The following NTRK1 variants were observed in gnomAD, a reference collection of about 807,000 sequenced individuals.
NTRK1 encodes the protein high affinity nerve growth factor receptor.
In NTRK1, 62 loss-of-function variants were observed where a neutral mutation model predicts 86.8. That is an observed-to-expected ratio of 0.71 (90% CI 0.58 to 0.88). The LOEUF (loss-of-function observed/expected upper bound fraction) is 0.88, where lower values mean the gene tolerates loss of function less well. Ranked by LOEUF, NTRK1 falls within the 40% of genes least tolerant of loss-of-function variation. The pLI is 0.00. For synonymous variants in NTRK1, 469 were observed against 456.6 expected, an observed-to-expected ratio of 1.03 and a Z score of -0.35; for missense variants, 967 against 1,078.4, an observed-to-expected ratio of 0.90 and a Z score of 1.45.
chr1:156,875,401 A>G (rs2102914493), intron 11 of NTRK1, 119 bp from the exon 12 acceptor site: 1 of 1,360,736 alleles, frequency 7.3e-7, no homozygotes. Flanking sequence ...CTCGCTCCCT[A>G]GCTTCTCAGT....
intron 16 of NTRK1, chr1:156,880,425 C>A (rs188007204): frequency 1.8e-6 from 1 of 542,184 alleles, no homozygotes; most frequent in African/African-American, 1.9e-5. Context: ...AGCCCAGACC[C>A]CCATCCCTAG....
At chr1:156,853,836 C>G (rs1308519502) in intron 2 of NTRK1, 1 of 1,613,880 alleles carries the variant, frequency 6.2e-7, no homozygotes, top group Admixed American at 1.7e-5. Flanking sequence ...CCAGCAGCAC[C>G]CAGCACACCA....
intron 2 of NTRK1, chr1:156,844,102 C>T: frequency 9.2e-7 from 1 of 1,089,070 alleles, no homozygotes; most frequent in South Asian, 1.4e-5. Context: ...GTCTCATCTA[C>T]CTCCCTTTGA....
At chr1:156,843,328 C>G (rs1654871223) in intron 2 of NTRK1, 6 of 1,567,902 alleles carry the variant, frequency 3.8e-6, no homozygotes, top group Non-Finnish European at 5.3e-6. Context: ...GGCTCTTGTC[C>G]CAAGGCTATC....
rs377396834 is a variant in NTRK1 at position 156,816,120 on chromosome 1, G to C, written c.-64+282G>C. 6.9e-6 allele frequency: 11 copies of C among 1,599,168 alleles called. No homozygotes were observed. In the African/African-American group the frequency reaches 1.5e-4, roughly 21 times the overall value. The stretch of plus-strand genomic sequence containing the variant: ...CTGTGAGCACAAAGAGGGCTGCCGG[G>C]GTTTCTCAGAGAGGAACTATGTCTG... On this transcript the variant is annotated intron_variant, in intron 1 of 16. Coordinates refer to the NTRK1 transcript ENST00000392302.
intron 1 of NTRK1, chr1:156,840,843 T>C: frequency 6.4e-7 from 1 of 1,557,114 alleles, no homozygotes; most frequent in Non-Finnish European, 8.8e-7. Flanking sequence ...TGTCTCCCCA[T>C]GGGAGGCCAG....
At chr1:156,878,988 A>T in intron 14 of NTRK1, 134 bp from the exon 15 acceptor site, 1 of 1,023,936 alleles carries the variant, frequency 9.8e-7, no homozygotes, top group Non-Finnish European at 1.4e-6. Context: ...AGCTGCCTCT[A>T]CTGTTCTCTC....
At chr1:156,853,790 G>A in intron 2 of NTRK1, 2 of 1,609,848 alleles carry the variant, frequency 1.2e-6, no homozygotes. Flanking sequence ...TCTGTAGTCA[G>A]TGTGCCCGCT....
intron 2 of NTRK1, chr1:156,849,031 C>T: frequency 6.2e-7 from 1 of 1,613,394 alleles, no homozygotes; most frequent in Non-Finnish European, 8.5e-7. Flanking sequence ...ACACGAAGCG[C>T]AGGGTGCGAG....
At chr1:156,819,064 G>A (rs1307791698) in intron 1 of NTRK1, among the ~76,000 whole-genome samples, 2 of 151,902 alleles carry the variant, frequency 1.3e-5, no homozygotes, top group African/African-American at 2.4e-5. Flanking sequence ...GTGCAATGGC[G>A]CTATCTCGGC....
In NTRK1 at chr1:156,816,906, G is replaced by A. The variant is rs1350931835; in HGVS notation, c.-64+1068G>A. The A allele has an allele frequency of 6.8e-6, 3 of 444,322 alleles. No individual in the cohort carries two copies. The East Asian group carries it at 1.1e-4, about 16-fold the overall frequency. The allele number at this position is 444,322 out of a possible 1,614,324, so 27.5% of individuals were successfully genotyped here. ...CGATTGTCCCACCCCCGGAAGCCAC[G>A]CAGCTGTAGATAGCGGTGGTATAGC... On this transcript the variant is annotated intron_variant, in intron 1 of 16. Coordinates refer to the NTRK1 transcript ENST00000392302.
intron 1 of NTRK1, 26 bp downstream of exon 1, chr1:156,861,172 G>A (rs377371623): frequency 1.2e-4 from 184 of 1,539,406 alleles, no homozygotes; most frequent in Admixed American, 2.9e-4. Flanking sequence ...GCGGTGGGGG[G>A]GCGCGGGGAC....
In NTRK1 at chr1:156,854,518, A is replaced by G. The variant is rs1655343530; in HGVS notation, c.51-9836A>G. 6.6e-6 allele frequency among the ~76,000 whole-genome samples: 1 copy of G among 151,368 alleles called. No individual in the cohort carries two copies. The highest frequency in any genetic ancestry group is 2.4e-5 in the African/African-American group (1 of 41,098). ...AGATGAGCCACACAGGCAAAAATGA[A>G]CTCCTGATCCTCTCTCCCAAGCCCA... On this transcript the variant is annotated intron_variant, in intron 2 of 16. Coordinates refer to the NTRK1 transcript ENST00000392302. The surrounding 1 kb of genome is among the most constrained non-coding windows in gnomAD (Gnocchi z 4.2).
intron 2 of NTRK1, chr1:156,843,497 G>C: frequency 6.2e-7 from 1 of 1,614,044 alleles, no homozygotes; most frequent in Non-Finnish European, 8.5e-7. Context: ...GGGAGGTGAG[G>C]GGGTCAGGCT....
intron 4 of NTRK1, among the ~76,000 whole-genome samples, chr1:156,867,715 C>G (rs1647243707): frequency 6.6e-6 from 1 of 151,188 alleles, no homozygotes; most frequent in African/African-American, 2.4e-5. Flanking sequence ...GTCACCCAGG[C>G]TGGAGTGCAG....
At chr1:156,880,896 G>C (rs1648222393) in intron 16 of NTRK1, among the ~76,000 whole-genome samples, 1 of 152,208 alleles carries the variant, frequency 6.6e-6, no homozygotes, top group Non-Finnish European at 1.5e-5. Context: ...GGCTGCTTTA[G>C]CAGTTCTTCC....
chr1:156,845,014 C>A, intron 2 of NTRK1: 2 of 1,550,908 alleles, frequency 1.3e-6, no homozygotes. Context: ...AAACCCCAAA[C>A]CTTTGCACAG....
At chr1:156,841,560 AC>A (rs1381859195) in intron 1 of NTRK1, 2 of 1,613,590 alleles carry the variant, frequency 1.2e-6, no homozygotes, top group Non-Finnish European at 1.7e-6. Flanking sequence ...TGAGCCCAGC[AC>A]CCTTCGTGCT....
At chr1:156,827,679 G>A (rs1050141550) in intron 1 of NTRK1, among the ~76,000 whole-genome samples, 1 of 152,026 alleles carries the variant, frequency 6.6e-6, no homozygotes, top group African/African-American at 2.4e-5. Context: ...TTAAAGGCAC[G>A]AGCCACTCTG....
Sources: allele counts gnomAD v4.1 joint callset (sites outside exome capture counted in the v4.1 genomes callset), GRCh38; gene constraint gnomAD v4.1.1; non-coding constraint Gnocchi (gnomAD v3.1); transcripts MANE v1.5; gene names NCBI Gene and HGNC (gene_info 2026-07-23, HGNC 2026-07-21).